TMEM114: variants seen among roughly 807,000 people sequenced by gnomAD.
TMEM114 encodes claudin-26.
Under a neutral mutation model 6.2 loss-of-function variants are expected in TMEM114, and 6 were observed. The ratio of observed to expected loss-of-function variants is 0.97; its 90% CI spans 0.53 to 1.91. The LOEUF is 1.91. Among genes scored for constraint, TMEM114 ranks in the 40% most tolerant of loss-of-function variants. TMEM114 has a pLI of 0.01. For synonymous variants in TMEM114, 104 were observed against 73.0 expected, an observed-to-expected ratio of 1.42 and a Z score of -2.16; for missense variants, 218 against 158.3, an observed-to-expected ratio of 1.38 and a Z score of -2.02.
chr16:8,562,591 A>G (rs1256122009), intron 2 of TMEM114, among the ~76,000 whole-genome samples: 14 of 93,720 alleles, frequency 1.5e-4, no homozygotes, highest in African/African-American at 4.7e-4. Flanking sequence ...GAAATAAGTA[A>G]GTGAATGAGT....
the TMEM114 span, among the ~76,000 whole-genome samples, chr16:8,528,624 G>A: frequency 1.3e-5 from 2 of 152,140 alleles, no homozygotes; most frequent in African/African-American, 4.8e-5. Context: ...ATAATGAGGG[G>A]ATAACCCGGT....
At chr16:8,564,153 G>T (rs1029852672) in intron 2 of TMEM114, among the ~76,000 whole-genome samples, 1 of 151,142 alleles carries the variant, frequency 6.6e-6, no homozygotes, top group African/African-American at 2.5e-5. Flanking sequence ...GAGTGAATGA[G>T]TTAGTGAATG....
At chr16:8,588,486 T>C (rs898259943) in intron 2 of TMEM114, among the ~76,000 whole-genome samples, 2,348 of 152,320 alleles carry the variant, frequency 0.015, 29 homozygotes, top group Non-Finnish European at 0.023. Flanking sequence ...GCTCCACGTC[T>C]GGCTTATCTC....
chr16:8,569,195 G>A (rs1041599703), downstream of TMEM114, among the ~76,000 whole-genome samples: 2 of 152,172 alleles, frequency 1.3e-5, no homozygotes, highest in Non-Finnish European at 2.9e-5. Context: ...GGGGGAGGAC[G>A]GAAAAGGTAT....
intron 2 of TMEM114, among the ~76,000 whole-genome samples, chr16:8,540,081 C>T (rs1900473393): frequency 6.6e-6 from 1 of 152,120 alleles, no homozygotes; most frequent in Non-Finnish European, 1.5e-5. Flanking sequence ...GCCTCAGCCT[C>T]CCAAAGTGCT....
chr16:8,575,748 T>G (rs1220757081), intron 2 of TMEM114, among the ~76,000 whole-genome samples: 2 of 152,368 alleles, frequency 1.3e-5, no homozygotes, highest in African/African-American at 4.8e-5. Flanking sequence ...CTTCTTAAAA[T>G]GGTGCTTGTC....
chr16:8,583,789 T>A (rs1415864320), intron 2 of TMEM114, among the ~76,000 whole-genome samples: 1 of 151,430 alleles, frequency 6.6e-6, no homozygotes, highest in African/African-American at 2.4e-5. Flanking sequence ...AGGCCAGGGT[T>A]TGAACCCCAG....
chr16:8,564,955 G>A (rs1315153538), downstream of TMEM114, among the ~76,000 whole-genome samples: 1 of 151,616 alleles, frequency 6.6e-6, no homozygotes, highest in South Asian at 2.1e-4. Flanking sequence ...ATGGGTGAGT[G>A]AATGAGTGAG....
chr16:8,564,234 TTA>T (rs1281833541), intron 2 of TMEM114, among the ~76,000 whole-genome samples: 6 of 16,460 alleles, frequency 3.6e-4, no homozygotes, highest in African/African-American at 1.3e-3. Flanking sequence ...AATGAGTGAG[TTA>T]GTGAATGAGT....
chr16:8,549,181 CAAAAAAAAAA>C (rs1216258524), intron 2 of TMEM114, among the ~76,000 whole-genome samples: 1 of 49,328 alleles, frequency 2.0e-5, no homozygotes, highest in East Asian at 6.1e-4. Flanking sequence ...GACTCCATCT[CAAAAAAAAAA>C]AAAAAAAAAA....
intron 2 of TMEM114, among the ~76,000 whole-genome samples, chr16:8,582,674 G>C (rs1016735540): frequency 4.6e-5 from 7 of 152,090 alleles, no homozygotes; most frequent in Admixed American, 3.3e-4. Context: ...TGGATCACTT[G>C]AGGTCAAGAG....
At chr16:8,553,878 C>CT (rs112276790) in intron 2 of TMEM114, among the ~76,000 whole-genome samples, 1,772 of 144,658 alleles carry the variant, frequency 0.012, 14 homozygotes, top group Middle Eastern at 0.022. Flanking sequence ...TTTTCCTTTT[C>CT]TTTTTTTTTT....
chr16:8,538,947 C>T (rs1040702183), intron 2 of TMEM114, among the ~76,000 whole-genome samples: 2 of 152,112 alleles, frequency 1.3e-5, no homozygotes, highest in African/African-American at 4.8e-5. Flanking sequence ...TTTGAGAAAA[C>T]AGTTTACCAC....
At chr16:8,528,503 A>T in the TMEM114 span, among the ~76,000 whole-genome samples, 2 of 152,154 alleles carry the variant, frequency 1.3e-5, no homozygotes, top group Non-Finnish European at 2.9e-5. Flanking sequence ...AAGGGGGAGC[A>T]TCTCCTGGAA....
At chr16:8,550,565 C>G (rs139265274) in intron 2 of TMEM114, among the ~76,000 whole-genome samples, 2 of 151,950 alleles carry the variant, frequency 1.3e-5, no homozygotes, top group African/African-American at 2.4e-5. Flanking sequence ...GTAATCCCAG[C>G]GACTCTGGAG....
chr16:8,579,802 A>G (rs1364067437), intron 2 of TMEM114, among the ~76,000 whole-genome samples: 1 of 152,146 alleles, frequency 6.6e-6, no homozygotes, highest in Non-Finnish European at 1.5e-5. Context: ...CAACTACCCC[A>G]AGAGCCAATG....
At chr16:8,533,563 A>G (rs374923057), downstream of TMEM114, among the ~76,000 whole-genome samples, 2 of 152,252 alleles carry the variant, frequency 1.3e-5, no homozygotes, top group South Asian at 4.1e-4. Flanking sequence ...GGTAAATGGC[A>G]TGATCTGGTC....
At chr16:8,553,035 C>G (rs1217631516) in intron 2 of TMEM114, among the ~76,000 whole-genome samples, 1 of 152,226 alleles carries the variant, frequency 6.6e-6, no homozygotes, top group African/African-American at 2.4e-5. Context: ...AGCCGAGGTT[C>G]TTGCTTCCTG....
intron 2 of TMEM114, among the ~76,000 whole-genome samples, chr16:8,581,126 C>T (rs558092689): frequency 8.0e-4 from 122 of 152,168 alleles, no homozygotes; most frequent in African/African-American, 2.6e-3. Flanking sequence ...TTGTTATATA[C>T]CCACAGAAAA....
Sources: gnomAD v4.1 joint callset for allele counts (sites outside exome capture counted in the v4.1 genomes callset) on GRCh38, gnomAD v4.1.1 for gene constraint, MANE v1.5 for transcripts, NCBI Gene and HGNC (gene_info 2026-07-23, HGNC 2026-07-21) for gene names.